Variants in SNRNP200 observed in about 807,000 individuals in gnomAD.
The protein encoded by SNRNP200 is small nuclear ribonucleoprotein U5 subunit 200.
A neutral mutation model predicts 255.2 loss-of-function variants in SNRNP200; 66 were observed. The ratio of observed to expected loss-of-function variants is 0.26; its 90% CI spans 0.21 to 0.32. The LOEUF (loss-of-function observed/expected upper bound fraction) is 0.32. Ranked by LOEUF, SNRNP200 falls within the 10% of genes least tolerant of loss-of-function variation. The pLI, the probability that SNRNP200 is intolerant of heterozygous loss-of-function variation, is 1.00. For missense variants in SNRNP200, 1,585 were observed against 2,749.8 expected, an observed-to-expected ratio of 0.58 and a Z score of 9.47; for synonymous variants, 939 against 1,027.8, an observed-to-expected ratio of 0.91 and a Z score of 1.65.
At position 96,283,180 on chromosome 2, in the gene SNRNP200, C is replaced by G. The variant is rs753716651; in HGVS notation, c.4915+21G>C. On this transcript the variant is annotated intron_variant, in intron 34 of 44. Coordinates refer to ENST00000323853, the MANE Select transcript of SNRNP200 (RefSeq NM_014014.5). This position sits in a 1 kb window ranked among gnomAD's most constrained non-coding sequence, Gnocchi z 4.7. ...ACTTGGTGATACCCTTGCTATGCTC[C>G]CCTTCCGTGGCCTGACTTACCTGAG... The G allele has an allele frequency of 3.7e-6, 6 of 1,613,536 alleles. No homozygotes were observed. Among genetic ancestry groups the G allele is most frequent in the Non-Finnish European group, 5.1e-6 (6 of 1,180,038 alleles).
Position 96,296,527 on chromosome 2 carries a change from C to T in SNRNP200, c.1671+9G>A, listed in dbSNP as rs778762957. On this transcript the variant is annotated intron_variant, in intron 13 of 44. Coordinates refer to ENST00000323853, the MANE Select transcript of SNRNP200 (RefSeq NM_014014.5). ...CAGTATCCTCTGCAGGAAAGTTCTA[C>T]TCCCTCACCTTTCCAAAGCTGCCCA... The T allele has an allele frequency of 3.7e-5, 60 of 1,613,814 alleles. 1 individual carries two copies. The South Asian group carries it at 6.6e-4, about 18-fold the overall frequency.
chr2:96,287,245 G>A lies in SNRNP200; in HGVS notation c.3485-85C>T, dbSNP rs2063849823. ...GGCCTGAGGGCCACTGTGGGAAAGG[G>A]GTAGGGTCTTCCCTTTATGGTCAGT... On this transcript the variant is annotated intron_variant, in intron 26 of 44. Transcript: ENST00000323853. This position sits in a 1 kb window ranked among gnomAD's most constrained non-coding sequence, Gnocchi z 5.7. 2 of 1,532,508 alleles carry A rather than the reference G, an allele frequency of 1.3e-6. No homozygotes were observed. The highest frequency in any genetic ancestry group is 1.1e-5 in the South Asian group (1 of 88,942). 94.9% of individuals were successfully genotyped at this position (1,532,508 alleles called of 1,614,324 possible).
chr2:96,278,423 C>A lies in SNRNP200; in HGVS notation c.5489-65G>T. On this transcript the variant is annotated intron_variant, in intron 38 of 44. Coordinates refer to ENST00000323853, the MANE Select transcript of SNRNP200 (RefSeq NM_014014.5). The surrounding 1 kb of genome is among the most constrained non-coding windows in gnomAD (Gnocchi z 6.9). Reference sequence around the variant, plus strand: ...CAGAGAAGGAGCAGAACTGCCCGGGCTCCCCTGCTGTCCCCTGCAGTGTCA... The same window carrying A: ...CAGAGAAGGAGCAGAACTGCCCGGGATCCCCTGCTGTCCCCTGCAGTGTCA... 13 of 1,612,722 alleles carry A rather than the reference C, an allele frequency of 8.1e-6. No individual in the cohort carries two copies. Among genetic ancestry groups the A allele is most frequent in the Non-Finnish European group, 1.1e-5 (13 of 1,179,824 alleles).
At position 96,277,461 on chromosome 2, in the gene SNRNP200, C is replaced by T; in HGVS notation, c.5931+78G>A. ...AAAAGTTTAACTTACTGAGACTCAC[C>T]TCCCGCAACCCACGCTCGGTCCACA... On this transcript the variant is annotated intron_variant, in intron 41 of 44. Transcript: ENST00000323853. This position sits in a 1 kb window ranked among gnomAD's most constrained non-coding sequence, Gnocchi z 4.4. The T allele has an allele frequency of 1.3e-6, 2 of 1,555,448 alleles. No individual in the cohort carries two copies. The highest frequency in any genetic ancestry group is 1.8e-6 in the Non-Finnish European group (2 of 1,129,848).
rs1399248700 is a variant in SNRNP200 at position 96,297,644 on chromosome 2, C to T, written c.1196G>A (p.Gly399Asp). 3 of 1,614,136 alleles carry T rather than the reference C, an allele frequency of 1.9e-6. No individual in the cohort carries two copies. Among genetic ancestry groups the T allele is most frequent in the Non-Finnish European group, 2.5e-6 (3 of 1,180,044 alleles). ...AATCGCCCTGGATCCTACCTCTCCA[C>T]CCTGGTCGAGATCCATGGTTTCCAG... ...TDLETMDLDQGGEALAPRQVL... is the reference protein window; with the variant it reads ...TDLETMDLDQDGEALAPRQVL... Residue 399 changes from glycine (G) to aspartate (D), a missense_variant, in exon 10 of 45, where the codon GGT (glycine) becomes GAT (aspartate). Coordinates refer to ENST00000323853, the MANE Select transcript of SNRNP200 (RefSeq NM_014014.5).
At chr2:96,289,712 T>C in intron 21 of SNRNP200, 87 bp downstream of exon 21, 1 of 1,166,320 alleles carries the variant, frequency 8.6e-7, no homozygotes, top group Non-Finnish European at 1.3e-6. Flanking sequence ...TAGGCAGTAC[T>C]CACATCAAGA....
rs1490058777 is a variant in SNRNP200 at position 96,290,291 on chromosome 2, G to T, written c.2742+35C>A. On this transcript the variant is annotated intron_variant, in intron 20 of 44. Coordinates refer to ENST00000323853, the MANE Select transcript of SNRNP200 (RefSeq NM_014014.5). This position sits in a 1 kb window ranked among gnomAD's most constrained non-coding sequence, Gnocchi z 4.5. ...CTCCTGGTGCCTTGGTGTCTGCGGGGAAAGCATGAAGCACAACAAGCAGTC... is the reference window on the plus strand; with the variant it reads ...CTCCTGGTGCCTTGGTGTCTGCGGGTAAAGCATGAAGCACAACAAGCAGTC... 1.1e-5 allele frequency: 18 copies of T among 1,610,446 alleles called. No individual in the cohort carries two copies. The highest frequency in any genetic ancestry group is 1.4e-5 in the Non-Finnish European group (17 of 1,177,816).
At chr2:96,289,011 T>C in intron 23 of SNRNP200, 26 bp downstream of exon 23, 3 of 1,583,168 alleles carry the variant, frequency 1.9e-6, no homozygotes, top group Middle Eastern at 1.7e-4. Context: ...CTCATCCTTA[T>C]CAAAGCAAAG....
chr2:96,302,268 A>G (rs2063958134), intron 3 of SNRNP200, among the ~76,000 whole-genome samples: 1 of 152,144 alleles, frequency 6.6e-6, no homozygotes, highest in African/African-American at 2.4e-5. Flanking sequence ...GGGTTGGGGG[A>G]AGACACGTGC....
rs777991057 is a variant in SNRNP200, at chr2:96,295,471, G to A, written c.1842+17C>T. The A allele has an allele frequency of 1.4e-5, 23 of 1,613,014 alleles. No individual in the cohort carries two copies. Among genetic ancestry groups the A allele is most frequent in the Non-Finnish European group, 1.7e-5 (20 of 1,179,946 alleles). On this transcript the variant is annotated intron_variant, in intron 14 of 44. Coordinates refer to ENST00000323853, the MANE Select transcript of SNRNP200 (RefSeq NM_014014.5). ...GACACAACTGGACTCTATATTCTAC[G>A]ACTGCTCCCAACTCACCAGAATGAT...
At chr2:96,282,944 C>CAT in intron 34 of SNRNP200, 1 of 566,926 alleles carries the variant, frequency 1.8e-6, no homozygotes, top group Non-Finnish European at 3.2e-6. Flanking sequence ...GTCCTGGACT[C>CAT]TAGAAAACCA....
In SNRNP200 at chr2:96,290,509, C is replaced by T. The variant is rs1448808099; in HGVS notation, c.2559G>A (p.Leu853=). The T allele has an allele frequency of 1.2e-6, 2 of 1,614,142 alleles. No individual in the cohort carries two copies. Among genetic ancestry groups the T allele is most frequent in the South Asian group, 1.1e-5 (1 of 91,074 alleles). ...CATACTGGGGTCTTCCGGCACGTCC[C>T]AGCATCTAGATCAGAGACAGCGAAC... ...ELGALDILQM[L]GRAGRPQYDT... The change falls in exon 20 of 45, where the codon CTG becomes CTA. Residue 853 remains leucine, a synonymous_variant. Transcript: ENST00000323853. The surrounding 1 kb of genome is among the most constrained non-coding windows in gnomAD (Gnocchi z 4.5).
Position 96,296,577 on chromosome 2 carries a change from T to G in SNRNP200, c.1630A>C (p.Met544Leu). 6.2e-7 allele frequency: 1 copy of G among 1,614,044 alleles called. No individual in the cohort carries two copies. The highest frequency in any genetic ancestry group is 1.6e-4 in the Middle Eastern group (1 of 6,062). ...ACCATCTCCTGCACCAAGGAGCGCA[T>G]GGGGGCAATGTAGATAATCTTGAAG... is the stretch of plus-strand genomic sequence containing the variant. ...DDFKIIYIAP[M>L]RSLVQEMVGS... The change falls in exon 13 of 45, where the codon ATG (methionine) becomes CTG (leucine). Residue 544 changes from methionine (M) to leucine (L), a missense_variant. Physicochemically the swap from Met to Leu is conservative, Grantham distance 15 (BLOSUM62 2). This residue lies in a region of SNRNP200 where 383 missense variants were observed against 645.3 expected (regional missense o/e 0.59). Coordinates refer to ENST00000323853, the MANE Select transcript of SNRNP200 (RefSeq NM_014014.5).
Position 96,285,260 on chromosome 2 carries a change from A to G in SNRNP200, c.4084T>C (p.Phe1362Leu), listed in dbSNP as rs1249516904. Reference protein sequence around the residue: ...TGSGKTICAEFAILRMLLQSS... With the variant: ...TGSGKTICAELAILRMLLQSS... ...TGCAGCAGCATTCGCAGGATGGCAA[A>G]CTCTGCACAAATAGTCTTCCCGCTG... Residue 1362 changes from phenylalanine to leucine, a missense_variant, in exon 30 of 45, where the codon TTT (phenylalanine) becomes CTT (leucine). Phe to Leu is a conservative substitution (Grantham distance 22, BLOSUM62 0). This residue lies in a region of SNRNP200 where 719 missense variants were observed against 1,091.1 expected (regional missense o/e 0.66). Coordinates refer to ENST00000323853, the MANE Select transcript of SNRNP200 (RefSeq NM_014014.5). 6.2e-7 allele frequency: 1 copy of G among 1,614,172 alleles called. No homozygotes were observed. The highest frequency in any genetic ancestry group is 8.5e-7 in the Non-Finnish European group (1 of 1,180,030).
rs746077640 is a variant in SNRNP200, at chr2:96,290,347, T to C, written c.2721A>G (p.Leu907=). The C allele has an allele frequency of 1.9e-6, 3 of 1,614,168 alleles. No individual in the cohort carries two copies. The highest frequency in any genetic ancestry group is 2.5e-6 in the Non-Finnish European group (3 of 1,180,030). ...LPDMLNAEIV[L]GNVQNAKDAV... ...CTACCTTGGCATTCTGGACATTTCC[T>C]AGCACGATTTCTGCATTGAGCATGT... Residue 907 remains leucine, a synonymous_variant, in exon 20 of 45, where the codon CTA becomes CTG. Transcript: ENST00000323853. This position sits in a 1 kb window ranked among gnomAD's most constrained non-coding sequence, Gnocchi z 4.5.
intron 2 of SNRNP200, among the ~76,000 whole-genome samples, chr2:96,304,195 A>C (rs1426505504): frequency 6.6e-6 from 1 of 152,170 alleles, no homozygotes; most frequent in Admixed American, 6.5e-5. Context: ...TCAGGATCAA[A>C]AGATAATGAT....
rs770642142 is a variant in SNRNP200 at position 96,298,268 on chromosome 2, C to T, written c.1119+16G>A. The T allele has an allele frequency of 1.2e-6, 2 of 1,614,206 alleles. No individual in the cohort carries two copies. The highest frequency in any genetic ancestry group is 1.3e-5 in the African/African-American group (1 of 75,052). ...TTAGCTCAGAAATCAGACAGATAAACCAACCCAGTCCTTACTCGGATCAGA... is the reference window on the plus strand; with the variant it reads ...TTAGCTCAGAAATCAGACAGATAAATCAACCCAGTCCTTACTCGGATCAGA... On this transcript the variant is annotated intron_variant, in intron 9 of 44. Transcript: ENST00000323853.
At chr2:96,280,037 G>A (rs1458147931) in intron 35 of SNRNP200, among the ~76,000 whole-genome samples, 5 of 152,118 alleles carry the variant, frequency 3.3e-5, no homozygotes, top group African/African-American at 1.2e-4. Context: ...TCCAGAGCAG[G>A]TGGGACTACA....
chr2:96,280,848 C>CTT (rs985439781), intron 35 of SNRNP200, among the ~76,000 whole-genome samples: 157 of 114,800 alleles, frequency 1.4e-3, no homozygotes, highest in Middle Eastern at 0.011. Context: ...ACACCTGGCC[C>CTT]TTTTTTTTTT....
Sources: allele counts gnomAD v4.1 joint callset (sites outside exome capture counted in the v4.1 genomes callset), GRCh38; gene constraint gnomAD v4.1.1; regional missense constraint gnomAD v4.1.1; non-coding constraint Gnocchi (gnomAD v3.1); transcripts MANE v1.5; gene names NCBI Gene and HGNC (gene_info 2026-07-23, HGNC 2026-07-21).